Variants in TRIM49C observed in about 807,000 individuals in gnomAD.
TRIM49C encodes the protein tripartite motif containing 49C, also known as tripartite motif-containing protein 49C.
Under a neutral mutation model 21.4 loss-of-function variants are expected in TRIM49C, and 6 were observed. The ratio of observed to expected loss-of-function variants is 0.28; its 90% CI spans 0.15 to 0.55. TRIM49C has a LOEUF of 0.55. TRIM49C is among the 20% of genes least tolerant of loss of function. TRIM49C has a pLI of 0.94. For missense variants in TRIM49C, 161 were observed against 442.4 expected (o/e 0.36, Z 5.71); for synonymous variants, 57 against 148.1 (o/e 0.38, Z 4.47).
At chr11:90,059,897 C>T in the TRIM49C span, among the ~76,000 whole-genome samples, 203 of 142,708 alleles carry the variant, frequency 1.4e-3, 2 homozygotes, top group South Asian at 4.0e-3. Flanking sequence ...AATCTCTCTC[C>T]TCCCTCTGTC....
intron 6 of TRIM49C, among the ~76,000 whole-genome samples, chr11:90,038,996 T>A (rs1424928962): frequency 7.2e-6 from 1 of 138,326 alleles, no homozygotes; most frequent in Non-Finnish European, 1.6e-5. Flanking sequence ...CTCGGCTCAC[T>A]GCAAGCTCCG....
rs573195957 is a variant in TRIM49C at position 90,039,802 on chromosome 11, C to A, written c.762-63C>A. The A allele has an allele frequency of 3.6e-4, 494 of 1,356,692 alleles. 90 individuals are homozygous for A. The East Asian group carries it at 5.1e-3, about 14-fold the overall frequency. The allele number at this position is 1,356,692 out of a possible 1,614,324, so 84.0% of individuals were successfully genotyped here. On this transcript the variant is annotated intron_variant, in intron 6 of 7. Coordinates refer to ENST00000448984, the MANE Select transcript of TRIM49C (RefSeq NM_001195234.1). ...ATTCTCATGAAATGTCTTTTATATA[C>A]AAATAGTGATTTTTATTTATTTTAT... is the stretch of plus-strand genomic sequence containing the variant.
chr11:90,033,100 C>A (rs1325599014), intron 2 of TRIM49C, among the ~76,000 whole-genome samples: 5 of 136,670 alleles, frequency 3.7e-5, no homozygotes. Flanking sequence ...ATTTATAAGA[C>A]CTAATTTGGT....
the TRIM49C span, chr11:90,073,194 AT>A: frequency 1.2e-6 from 1 of 852,066 alleles, no homozygotes; most frequent in East Asian, 2.8e-5. Flanking sequence ...GTGGATAATC[AT>A]TTCAGTCTCT....
At chr11:90,050,097 C>T in the TRIM49C span, 2 of 108,074 alleles carry the variant, frequency 1.9e-5, 1 homozygote, top group East Asian at 6.2e-4. Context: ...TAAAGGTGAC[C>T]GAGGCCTCTC....
Position 90,035,435 on chromosome 11 carries a change from C to T in TRIM49C, c.224C>T (p.Ser75Phe), listed in dbSNP as rs748897739. 6.0e-6 allele frequency: 9 copies of T among 1,494,880 alleles called. 1 individual carries two copies. 92.6% of individuals were successfully genotyped at this position (1,494,880 alleles called of 1,614,324 possible). A position where few individuals can be genotyped will look rare whatever the true frequency, so the allele number is the denominator to read the frequency against. ...AACATTCATTTGAAGAAGATGGCTT[C>T]TCTTGCCAGAAAAGTCAGTCTCTGG... Reference protein sequence around the residue: ...KTNIHLKKMASLARKVSLWLF... With the variant: ...KTNIHLKKMAFLARKVSLWLF... Residue 75 changes from serine to phenylalanine, a missense_variant, in exon 3 of 8, where the codon TCT (serine) becomes TTT (phenylalanine). Physicochemically the swap from Ser to Phe is radical, Grantham distance 155 (BLOSUM62 -2). Coordinates refer to ENST00000448984, the MANE Select transcript of TRIM49C (RefSeq NM_001195234.1).
At chr11:90,071,876 T>G in the TRIM49C span, 3 of 600,706 alleles carry the variant, frequency 5.0e-6, 1 homozygote, top group Admixed American at 7.6e-5. Flanking sequence ...GTGTAACGAT[T>G]TTTCATCTAG....
At chr11:90,062,332 G>A in the TRIM49C span, among the ~76,000 whole-genome samples, 1 of 129,288 alleles carries the variant, frequency 7.7e-6, no homozygotes, top group African/African-American at 3.2e-5. Context: ...TCTTGGTGCT[G>A]GCCACCAGCT....
At chr11:90,071,937 A>C in the TRIM49C span, 52 of 424,984 alleles carry the variant, frequency 1.2e-4, 3 homozygotes, top group South Asian at 1.9e-4. Context: ...TTTCACTATC[A>C]TCAAACAGAC....
At chr11:90,052,553 TG>T in the TRIM49C span, 2 of 153,488 alleles carry the variant, frequency 1.3e-5, no homozygotes, top group Admixed American at 7.5e-5. Flanking sequence ...CGCCCTCTCG[TG>T]GAGCGGAGGC....
At chr11:90,031,521 T>A (rs1457894305) in intron 1 of TRIM49C, among the ~76,000 whole-genome samples, 1 of 139,436 alleles carries the variant, frequency 7.2e-6, no homozygotes, top group Non-Finnish European at 1.6e-5. Flanking sequence ...ATATAGTCCA[T>A]CTCTATCATT....
the TRIM49C span, chr11:90,052,551 C>G: frequency 5.2e-5 from 8 of 153,866 alleles, no homozygotes; most frequent in Admixed American, 2.3e-4. Flanking sequence ...TGCGCCCTCT[C>G]GTGGAGCGGA....
the TRIM49C span, among the ~76,000 whole-genome samples, chr11:90,054,522 T>G: frequency 7.5e-6 from 1 of 133,554 alleles, no homozygotes; most frequent in Non-Finnish European, 1.6e-5. Flanking sequence ...TTTGCCTCCT[T>G]GGTTCAAGTG....
rs767998755 is a variant in TRIM49C, at chr11:90,035,367, C to T, written c.156C>T (p.Cys52=). 4 of 1,491,020 alleles carry T rather than the reference C, an allele frequency of 2.7e-6. No homozygotes were observed. In the East Asian group the frequency reaches 7.3e-5, roughly 27 times the overall value. The allele number at this position is 1,491,020 out of a possible 1,614,324, so 92.4% of individuals were successfully genotyped here. ...AAGACATCCCATTTCTTGTCCAGTGCTCTGAATGCACAAAGTCAACAGAGC... is the reference window on the plus strand; with the variant it reads ...AAGACATCCCATTTCTTGTCCAGTGTTCTGAATGCACAAAGTCAACAGAGC... ...NWQDIPFLVQ[C]SECTKSTEQI... Residue 52 remains cysteine, a synonymous_variant, in exon 3 of 8, where the codon TGC becomes TGT. Transcript: ENST00000448984.
At chr11:90,065,968 A>G in the TRIM49C span, among the ~76,000 whole-genome samples, 2 of 138,142 alleles carry the variant, frequency 1.4e-5, 1 homozygote, top group African/African-American at 5.2e-5. Context: ...AAGAAAAAAA[A>G]AAAAGAAATA....
chr11:90,064,340 A>G, the TRIM49C span, among the ~76,000 whole-genome samples: 1 of 151,540 alleles, frequency 6.6e-6, no homozygotes, highest in Non-Finnish European at 1.5e-5. Flanking sequence ...CAATATTTCA[A>G]CTATAATAAT....
chr11:90,057,901 T>A, the TRIM49C span: 73 of 1,509,886 alleles, frequency 4.8e-5, 10 homozygotes, highest in South Asian at 8.5e-4. Flanking sequence ...AGAATCCAGT[T>A]GGAGGAGAGG....
At position 90,041,355 on chromosome 11, in the gene TRIM49C, A is replaced by G. The variant is rs757554388; in HGVS notation, c.1164A>G (p.Gln388=). 4.3e-5 allele frequency: 69 copies of G among 1,589,592 alleles called. 4 individuals carry two copies. The highest frequency in any genetic ancestry group is 5.0e-5 in the Non-Finnish European group (58 of 1,164,880). Residue 388 remains glutamine (Q), a synonymous_variant, in exon 8 of 8, where the codon CAA becomes CAG. Coordinates refer to ENST00000448984, the MANE Select transcript of TRIM49C (RefSeq NM_001195234.1). ...TTGGGTGTATTAAGAATGACATTCA[A>G]TGCAGTCTCTTTACCACCTCCCCAC... ...FLLGCIKNDI[Q]CSLFTTSPLM... is the part of the protein sequence containing the mutation.
downstream of TRIM49C, chr11:90,042,134 A>G (rs675135): frequency 7.8e-6 from 1 of 128,468 alleles, no homozygotes; most frequent in Admixed American, 7.8e-5. Flanking sequence ...TGTGATCAGA[A>G]CAATGCTGGA....
Sources: allele counts gnomAD v4.1 joint callset (sites outside exome capture counted in the v4.1 genomes callset), GRCh38; gene constraint gnomAD v4.1.1; transcripts MANE v1.5; gene names NCBI Gene and HGNC (gene_info 2026-07-23, HGNC 2026-07-21).